Variants in PABPC4L observed in about 807,000 individuals in gnomAD.
The protein encoded by PABPC4L is poly(A) binding protein cytoplasmic 4 like, also known as polyadenylate-binding protein 4-like.
For missense variants in PABPC4L, 452 were observed against 451.4 expected, an observed-to-expected ratio of 1.00 and a Z score of -0.01; for synonymous variants, 169 against 164.1, an observed-to-expected ratio of 1.03 and a Z score of -0.23.
At chr4:134,158,770 A>G in the PABPC4L span, among the ~76,000 whole-genome samples, 3,411 of 152,146 alleles carry the variant, frequency 0.022, 129 homozygotes, top group African/African-American at 0.077. Flanking sequence ...GTGCCTCTTA[A>G]TGATGGGGAT....
the PABPC4L span, among the ~76,000 whole-genome samples, chr4:133,997,506 A>G: frequency 6.7e-6 from 1 of 149,604 alleles, no homozygotes; most frequent in African/African-American, 2.5e-5. Flanking sequence ...TAAAAAAAAG[A>G]AAAAAAAACC....
the PABPC4L span, among the ~76,000 whole-genome samples, chr4:134,077,961 A>AAAAAC: frequency 6.6e-5 from 10 of 152,172 alleles, no homozygotes; most frequent in African/African-American, 2.4e-4. Flanking sequence ...CACCCCACAA[A>AAAAAC]AAAACAAAAC....
the PABPC4L span, among the ~76,000 whole-genome samples, chr4:133,959,589 T>C: frequency 2.6e-5 from 4 of 152,316 alleles, no homozygotes; most frequent in South Asian, 8.3e-4. Flanking sequence ...ATGGATTTGA[T>C]AGGTAGATTA....
chr4:133,958,340 A>G, the PABPC4L span, among the ~76,000 whole-genome samples: 1 of 152,154 alleles, frequency 6.6e-6, no homozygotes, highest in Admixed American at 6.5e-5. Context: ...CCTGGACATC[A>G]TTGTCCATAT....
chr4:134,008,988 T>C, the PABPC4L span, among the ~76,000 whole-genome samples: 1 of 151,810 alleles, frequency 6.6e-6, no homozygotes, highest in Non-Finnish European at 1.5e-5. Context: ...ATATAAAATT[T>C]TATATGTACC....
chr4:133,992,573 C>G, the PABPC4L span, among the ~76,000 whole-genome samples: 7 of 152,044 alleles, frequency 4.6e-5, no homozygotes, highest in Non-Finnish European at 1.0e-4. Flanking sequence ...TAAGTCAATC[C>G]CTCCTAGCCA....
chr4:134,102,477 T>C, the PABPC4L span, among the ~76,000 whole-genome samples: 2 of 151,402 alleles, frequency 1.3e-5, no homozygotes, highest in African/African-American at 4.8e-5. Context: ...GCATGAGAAT[T>C]ATAATGTTTA....
the PABPC4L span, among the ~76,000 whole-genome samples, chr4:134,009,106 C>T: frequency 6.6e-6 from 1 of 151,738 alleles, no homozygotes; most frequent in African/African-American, 2.4e-5. Context: ...TTTATCCTTA[C>T]ATTTTCTGTG....
the PABPC4L span, among the ~76,000 whole-genome samples, chr4:133,960,121 C>G: frequency 6.6e-6 from 1 of 152,086 alleles, no homozygotes; most frequent in Non-Finnish European, 1.5e-5. Context: ...TGCAGAGATT[C>G]GCATTGTGAA....
rs1193833315 is a variant in PABPC4L at position 134,200,570 on chromosome 4, T to C, written c.450A>G (p.Ala150=). The change falls in exon 2 of 2, where the codon GCA becomes GCG. Residue 150 remains alanine (A), a synonymous_variant. Coordinates refer to ENST00000421491, the MANE Select transcript of PABPC4L (RefSeq NM_001114734.2). ...AFVHFQNQSA[A]DRAIEEMNGK... is the part of the protein sequence containing the mutation. ...CATTCATCTCCTCAATGGCCCTGTC[T>C]GCAGCACTCTGGTTCTGAAAGTGCA... 1 of 1,551,698 alleles carries C rather than the reference T, an allele frequency of 6.4e-7. No homozygotes were observed. Among genetic ancestry groups the C allele is most frequent in the Non-Finnish European group, 8.7e-7 (1 of 1,146,978 alleles).
At chr4:134,177,723 G>A in the PABPC4L span, among the ~76,000 whole-genome samples, 1 of 152,106 alleles carries the variant, frequency 6.6e-6, no homozygotes, top group East Asian at 1.9e-4. Context: ...AGATGTCAGA[G>A]CACATGACAC....
the PABPC4L span, among the ~76,000 whole-genome samples, chr4:133,988,756 G>A: frequency 6.6e-6 from 1 of 152,282 alleles, no homozygotes. Context: ...TGCCAGTTGG[G>A]ACCCTGTGTG....
the PABPC4L span, among the ~76,000 whole-genome samples, chr4:134,030,461 A>T: frequency 6.6e-6 from 1 of 152,166 alleles, no homozygotes; most frequent in Non-Finnish European, 1.5e-5. Flanking sequence ...CTCTACATAG[A>T]TACACTGTCT....
the PABPC4L span, among the ~76,000 whole-genome samples, chr4:134,002,502 A>G: frequency 4.6e-5 from 7 of 152,000 alleles, no homozygotes; most frequent in Non-Finnish European, 7.4e-5. Context: ...CTTAACTGAA[A>G]ATAGGCTAAA....
chr4:134,069,939 T>G, the PABPC4L span, among the ~76,000 whole-genome samples: 3 of 150,812 alleles, frequency 2.0e-5, no homozygotes, highest in Non-Finnish European at 4.4e-5. Flanking sequence ...TTTTCTCATC[T>G]GTGTGGTCTG....
At chr4:134,062,572 A>G in the PABPC4L span, among the ~76,000 whole-genome samples, 11 of 152,204 alleles carry the variant, frequency 7.2e-5, no homozygotes, top group Non-Finnish European at 1.5e-4. Flanking sequence ...GTAAGAAAGC[A>G]GCAGAGAAAC....
chr4:134,052,018 A>G, the PABPC4L span, among the ~76,000 whole-genome samples: 5 of 152,072 alleles, frequency 3.3e-5, no homozygotes, highest in Non-Finnish European at 4.4e-5. Flanking sequence ...AAAAGAAAAA[A>G]CAATAATACA....
At chr4:134,192,454 A>T (rs1729536682), downstream of PABPC4L, among the ~76,000 whole-genome samples, 1 of 152,146 alleles carries the variant, frequency 6.6e-6, no homozygotes, top group African/African-American at 2.4e-5. Context: ...AAAATTAAAT[A>T]GCGGTGATTT....
chr4:134,068,367 G>A, the PABPC4L span, among the ~76,000 whole-genome samples: 1 of 152,000 alleles, frequency 6.6e-6, no homozygotes, highest in South Asian at 2.1e-4. Context: ...TTCTCCATTT[G>A]GTTGGGAGAC....
Sources: gnomAD v4.1 joint callset for allele counts (sites outside exome capture counted in the v4.1 genomes callset) on GRCh38, gnomAD v4.1.1 for gene constraint, MANE v1.5 for transcripts, NCBI Gene and HGNC (gene_info 2026-07-23, HGNC 2026-07-21) for gene names.